Variants in TTBK1 observed in about 807,000 individuals in gnomAD.
The protein encoded by TTBK1 is tau tubulin kinase 1.
Under a neutral mutation model 108.5 loss-of-function variants are expected in TTBK1, and 34 were observed. That is an observed-to-expected ratio of 0.31 (90% CI 0.24 to 0.42). The LOEUF (loss-of-function observed/expected upper bound fraction) is 0.42, where lower values mean the gene tolerates loss of function less well. Ranked by LOEUF, TTBK1 falls within the 10% of genes least tolerant of loss-of-function variation. The pLI, the probability that TTBK1 is intolerant of heterozygous loss-of-function variation, is 1.00. For missense variants in TTBK1, 1,539 were observed against 1,826.0 expected, an observed-to-expected ratio of 0.84 and a Z score of 2.86; for synonymous variants, 809 against 795.1, an observed-to-expected ratio of 1.02 and a Z score of -0.29.
chr6:43,249,510 A>G (rs1196222147), intron 2 of TTBK1, among the ~76,000 whole-genome samples: 2 of 152,108 alleles, frequency 1.3e-5, no homozygotes, highest in Non-Finnish European at 2.9e-5. Flanking sequence ...AGAGGAATAT[A>G]TTAATATTAT....
rs7769094 is a variant in TTBK1 at position 43,257,546 on chromosome 6, A to G, written c.862-266A>G. The stretch of plus-strand genomic sequence containing the variant: ...TGGTGGAAATGGCAGAGGAGGTTTG[A>G]AGATGGTAACCAGGGGACAGATCTC... On this transcript the variant is annotated intron_variant, in intron 9 of 14. Coordinates refer to ENST00000259750, the MANE Select transcript of TTBK1 (RefSeq NM_032538.3). This position sits in a 1 kb window ranked among gnomAD's most constrained non-coding sequence, Gnocchi z 4.5. 0.25 allele frequency among the ~76,000 whole-genome samples: 37,776 copies of G among 152,072 alleles called. 4,968 individuals are homozygous for G. Among genetic ancestry groups the G allele is most frequent in the East Asian group, 0.36 (1,855 of 5,158 alleles).
Position 43,273,918 on chromosome 6 carries a change from G to A in TTBK1, c.1987-8809G>A, listed in dbSNP as rs1777895541. On this transcript the variant is annotated intron_variant, in intron 13 of 14. Transcript: ENST00000259750. The surrounding 1 kb of genome is among the most constrained non-coding windows in gnomAD (Gnocchi z 4.2). The stretch of plus-strand genomic sequence containing the variant: ...CTGTCCAGGGCTGCAGCACTCAAAG[G>A]CGACAGTGTTCTTGCCCAGGAACTC... Among the ~76,000 whole-genome samples the A allele has an allele frequency of 6.6e-6, 1 of 152,186 alleles. No individual in the cohort carries two copies. Among genetic ancestry groups the A allele is most frequent in the Admixed American group, 6.5e-5 (1 of 15,282 alleles).
chr6:43,266,020 T>C (rs1249934573), intron 13 of TTBK1, among the ~76,000 whole-genome samples: 2 of 152,324 alleles, frequency 1.3e-5, no homozygotes, highest in East Asian at 3.9e-4. Flanking sequence ...AGGCCGATTC[T>C]GTAATCAGTC....
Position 43,252,894 on chromosome 6 carries a change from C to G in TTBK1, c.256+8C>G, listed in dbSNP as rs369760284. The G allele has an allele frequency of 4.0e-4, 648 of 1,612,812 alleles. 1 individual carries two copies. The highest frequency in any genetic ancestry group is 5.3e-4 in the Non-Finnish European group (620 of 1,179,820). ...TGCTCAAGAAGTTGCAAGGTTCGGG[C>G]CTCGGGCAGGGGGATGGGAAGGAAG... On this transcript the variant is annotated splice_region_variant and intron_variant, in intron 3 of 14. Transcript: ENST00000259750.
At chr6:43,270,568 G>A (rs1777805398) in intron 13 of TTBK1, 1 of 985,544 alleles carries the variant, frequency 1.0e-6, no homozygotes, top group Non-Finnish European at 1.2e-6. Context: ...ACTTTCTCAG[G>A]CCATCATCAT....
At chr6:43,251,086 C>T (rs995111537) in intron 2 of TTBK1, among the ~76,000 whole-genome samples, 1 of 152,208 alleles carries the variant, frequency 6.6e-6, no homozygotes, top group African/African-American at 2.4e-5. Context: ...CCTTGAAGTT[C>T]CCACCCAGCA....
At chr6:43,246,233 C>T (rs1777082223) in intron 1 of TTBK1, among the ~76,000 whole-genome samples, 1 of 152,170 alleles carries the variant, frequency 6.6e-6, no homozygotes, top group Admixed American at 6.5e-5. Context: ...GGCACAGGGA[C>T]TCCCCTAAGG....
Position 43,269,810 on chromosome 6 carries a change from G to T in TTBK1, c.1986+6460G>T. On this transcript the variant is annotated intron_variant, in intron 13 of 14. Transcript: ENST00000259750. The surrounding 1 kb of genome is among the most constrained non-coding windows in gnomAD (Gnocchi z 4.8). ...GTTCCCTCATTCAGCGCAGCCGCTC[G>T]GCTGAGAGCAGCCCTGTGCGGGCGC... 1 of 1,547,222 alleles carries T rather than the reference G, an allele frequency of 6.5e-7. No individual in the cohort carries two copies. The highest frequency in any genetic ancestry group is 8.7e-7 in the Non-Finnish European group (1 of 1,152,130).
chr6:43,284,929 C>A lies in TTBK1; in HGVS notation c.3573-54C>A, dbSNP rs548204141. 59 of 1,483,920 alleles carry A rather than the reference C, an allele frequency of 4.0e-5. No homozygotes were observed. The South Asian group carries it at 7.4e-4, about 19-fold the overall frequency. 91.9% of individuals were successfully genotyped at this position (1,483,920 alleles called of 1,614,324 possible). Reference sequence around the variant, plus strand: ...CCCAGGAGGATTCTGAAATATTTCTCCTTGTTTTGTTTCTTTGCCCTCTTC... The same window carrying A: ...CCCAGGAGGATTCTGAAATATTTCTACTTGTTTTGTTTCTTTGCCCTCTTC... On this transcript the variant is annotated intron_variant, in intron 14 of 14. Transcript: ENST00000259750.
rs1777302383 is a variant in TTBK1, at chr6:43,253,459, AGGGCAGT to A, written c.330+101_331-97del. 67 of 1,598,238 alleles carry A rather than the reference AGGGCAGT, an allele frequency of 4.2e-5. No individual in the cohort carries two copies. Among genetic ancestry groups the A allele is most frequent in the Non-Finnish European group, 5.2e-5 (61 of 1,170,496 alleles). On this transcript the variant is annotated intron_variant, in intron 4 of 14. Coordinates refer to ENST00000259750, the MANE Select transcript of TTBK1 (RefSeq NM_032538.3). The surrounding 1 kb of genome is among the most constrained non-coding windows in gnomAD (Gnocchi z 5.8). ...GGAAGGTAGACTGTGGCCCTGGGAA[AGGGCAGT>A]GGGCACAACCCTTTGGGGTGAGGCT...
intron 13 of TTBK1, among the ~76,000 whole-genome samples, chr6:43,264,146 C>T (rs545222223): frequency 8.5e-5 from 13 of 152,162 alleles, no homozygotes; most frequent in Non-Finnish European, 1.9e-4. Flanking sequence ...ATTTGGGAGG[C>T]CAAGGTGGGC....
chr6:43,270,326 C>T (rs1777795307), intron 13 of TTBK1: 4 of 1,048,796 alleles, frequency 3.8e-6, no homozygotes, highest in Non-Finnish European at 4.6e-6. Context: ...CTGGTATGGG[C>T]TTTGTTCTGT....
rs143865481 is a variant in TTBK1, at chr6:43,255,829, C to T, written c.834C>T (p.Leu278=). The change falls in exon 9 of 15, where the codon CTC becomes CTT. Residue 278 remains leucine (L), a synonymous_variant. Coordinates refer to ENST00000259750, the MANE Select transcript of TTBK1 (RefSeq NM_032538.3). ...FHLFLDHIAS[L]DYFTKPDYQL... is the part of the protein sequence containing the mutation. ...TCTTCCTGGACCACATTGCCAGCCT[C>T]GACTACTTCACCAAGCCCGACTACC... The T allele has an allele frequency of 2.8e-5, 46 of 1,614,100 alleles. No homozygotes were observed. The African/African-American group carries it at 3.2e-4, about 11-fold the overall frequency.
intron 14 of TTBK1, 89 bp downstream of exon 14, chr6:43,284,401 T>TTCTCCAGAACC (rs2150717735): frequency 7.1e-5 from 103 of 1,445,488 alleles, no homozygotes; most frequent in Middle Eastern, 2.4e-4. Flanking sequence ...GGTCAGGGGC[T>TTCTCCAGAACC]ATGGAAGATC....
chr6:43,256,436 G>T (rs1777383065), intron 9 of TTBK1, among the ~76,000 whole-genome samples: 1 of 149,784 alleles, frequency 6.7e-6, no homozygotes, highest in Admixed American at 6.7e-5. Flanking sequence ...CCCAGCCCCA[G>T]CTCTTAACAA....
At chr6:43,256,949 A>T (rs1777397462) in intron 9 of TTBK1, among the ~76,000 whole-genome samples, 1 of 152,062 alleles carries the variant, frequency 6.6e-6, no homozygotes, top group African/African-American at 2.4e-5. Flanking sequence ...ACCACACCCC[A>T]TGGGACCCAC....
At chr6:43,262,696 T>G in intron 12 of TTBK1, 93 bp from the exon 13 acceptor site, 2 of 1,302,290 alleles carry the variant, frequency 1.5e-6, no homozygotes, top group Non-Finnish European at 2.0e-6. Flanking sequence ...GGTCAGGAGG[T>G]TTTGGGAGTC....
In TTBK1 at chr6:43,259,616, C is replaced by T; in HGVS notation, c.1334C>T (p.Pro445Leu). ...GCCCCCCCAGACTCCCCCACAACCCCAGTCCGTTCTCTGCGCTACCGGAGG... is the reference window on the plus strand; with the variant it reads ...GCCCCCCCAGACTCCCCCACAACCCTAGTCCGTTCTCTGCGCTACCGGAGG... ...VRAPPDSPTT[P>L]VRSLRYRRVN... Residue 445 changes from proline (P) to leucine (L), a missense_variant, in exon 12 of 15, where the codon CCA becomes CTA. By Grantham distance (98) the Pro-to-Leu change is moderately conservative (BLOSUM62 -3). Around this residue, in one of 5 missense-constraint regions of TTBK1, gnomAD observed 277 missense variants for 332.4 expected, o/e 0.83. Coordinates refer to ENST00000259750, the MANE Select transcript of TTBK1 (RefSeq NM_032538.3). This position sits in a 1 kb window ranked among gnomAD's most constrained non-coding sequence, Gnocchi z 6.7. 13 of 1,612,058 alleles carry T rather than the reference C, an allele frequency of 8.1e-6. No homozygotes were observed. Among genetic ancestry groups the T allele is most frequent in the South Asian group, 2.2e-5 (2 of 90,544 alleles).
At position 43,254,531 on chromosome 6, in the gene TTBK1, C is replaced by T; in HGVS notation, c.472-16C>T. 6 of 1,557,670 alleles carry T rather than the reference C, an allele frequency of 3.9e-6. No individual in the cohort carries two copies. The highest frequency in any genetic ancestry group is 5.2e-6 in the Non-Finnish European group (6 of 1,154,952). ...GGGTTGGGGCCCCCAGAGCTCACAG[C>T]TGCTGTCTCCCCCAGTCAAACTTTG... On this transcript the variant is annotated splice_polypyrimidine_tract_variant and intron_variant, in intron 5 of 14. Coordinates refer to ENST00000259750, the MANE Select transcript of TTBK1 (RefSeq NM_032538.3).
Sources: gnomAD v4.1 joint callset for allele counts (sites outside exome capture counted in the v4.1 genomes callset) on GRCh38, gnomAD v4.1.1 for gene constraint, gnomAD v4.1.1 regional missense constraint, Gnocchi (gnomAD v3.1) non-coding constraint, MANE v1.5 for transcripts, NCBI Gene and HGNC (gene_info 2026-07-23, HGNC 2026-07-21) for gene names.